Variants in IL27RA observed in about 807,000 individuals in gnomAD.
IL27RA encodes the protein interleukin-27 receptor subunit alpha.
In IL27RA, 61 loss-of-function variants were observed where a neutral mutation model predicts 80.8. The observed-to-expected ratio is 0.76, with a 90% CI of 0.61 to 0.93. The LOEUF is 0.93. IL27RA is among the 40% of genes least tolerant of loss of function. IL27RA has a pLI of 0.00. For synonymous variants in IL27RA, 316 were observed against 332.5 expected, an observed-to-expected ratio of 0.95 and a Z score of 0.54; for missense variants, 735 against 808.1, an observed-to-expected ratio of 0.91 and a Z score of 1.10.
intron 11 of IL27RA, among the ~76,000 whole-genome samples, chr19:14,051,164 C>T (rs899280168): frequency 3.3e-5 from 5 of 152,094 alleles, no homozygotes; most frequent in South Asian, 4.2e-4. Context: ...GCTCGAGGAT[C>T]GCTTGAGCCC....
intron 11 of IL27RA, among the ~76,000 whole-genome samples, chr19:14,051,301 T>G (rs771436904): frequency 1.3e-5 from 2 of 149,702 alleles, no homozygotes; most frequent in African/African-American, 5.0e-5. Context: ...TCTCAGCACT[T>G]TGGGAGGCCG....
chr19:14,037,933 C>T (rs1272422313), intron 2 of IL27RA, among the ~76,000 whole-genome samples: 3 of 150,784 alleles, frequency 2.0e-5, no homozygotes, highest in Non-Finnish European at 1.5e-5. Context: ...CTGGTTCAAG[C>T]GATTCTCCTG....
intron 4 of IL27RA, among the ~76,000 whole-genome samples, chr19:14,040,143 C>A (rs926075807): frequency 2.0e-5 from 3 of 151,854 alleles, no homozygotes; most frequent in South Asian, 4.2e-4. Flanking sequence ...GGGGATGGAT[C>A]ACTTGAGGTC....
chr19:14,042,667 G>A lies in IL27RA; in HGVS notation c.695-49G>A, dbSNP rs1215752798. 9 of 1,613,922 alleles carry A rather than the reference G, an allele frequency of 5.6e-6. No individual in the cohort carries two copies. The African/African-American group carries it at 1.1e-4, about 19-fold the overall frequency. ...ACGCCCCTCCCACCCCCAGAAGTCT[G>A]TCCAATCATGTCCCACTCATTTGTT... On this transcript the variant is annotated intron_variant, in intron 5 of 13. Transcript: ENST00000263379.
Position 14,046,428 on chromosome 19 carries a change from A to G in IL27RA, c.953-2A>G. The G allele has an allele frequency of 6.2e-7, 1 of 1,614,138 alleles. No homozygotes were observed. The highest frequency in any genetic ancestry group is 8.5e-7 in the Non-Finnish European group (1 of 1,180,014). On this transcript the variant is annotated splice_acceptor_variant, in intron 7 of 13. Transcript: ENST00000263379. LOFTEE classifies it high-confidence loss of function. Reference sequence around the variant, plus strand: ...CAGCTGAGACTTCTCTCCACCCTCCAGATTCAGCCTCTGCCCCCCGTAGCG... The same window carrying G: ...CAGCTGAGACTTCTCTCCACCCTCCGGATTCAGCCTCTGCCCCCCGTAGCG...
rs373689505 is a variant in IL27RA at position 14,052,077 on chromosome 19, C to T, written c.1717-19C>T. 3 of 1,609,666 alleles carry T rather than the reference C, an allele frequency of 1.9e-6. No homozygotes were observed. The highest frequency in any genetic ancestry group is 2.5e-6 in the Non-Finnish European group (3 of 1,178,336). On this transcript the variant is annotated intron_variant, in intron 13 of 13. Coordinates refer to ENST00000263379, the MANE Select transcript of IL27RA (RefSeq NM_004843.4). ...GGTCGGGGAGGCTGGGGCAGGATTACAGGCTCATCTCTTCCCAGCAAGTAC... is the reference window on the plus strand; with the variant it reads ...GGTCGGGGAGGCTGGGGCAGGATTATAGGCTCATCTCTTCCCAGCAAGTAC...
rs373140888 is a variant in IL27RA, at chr19:14,036,077, T to TAA, written c.219-3418_219-3417dup. Among the ~76,000 whole-genome samples, 23 of 132,402 alleles carry TAA rather than the reference T, an allele frequency of 1.7e-4. No homozygotes were observed. The South Asian group carries it at 2.1e-3, about 12-fold the overall frequency. The allele number at this position is 132,402 out of a possible 152,430, so 86.9% of individuals were successfully genotyped here. A position where few individuals can be genotyped will look rare whatever the true frequency, so the allele number is the denominator to read the frequency against. Reference sequence around the variant, plus strand: ...GCAACGTAGTGAGACCCGTCTCTATTAAAAAAAAAAAAAAGAAAGAAGAAG... The same window carrying TAA: ...GCAACGTAGTGAGACCCGTCTCTATTAAAAAAAAAAAAAAAAGAAAGAAGAAG... On this transcript the variant is annotated intron_variant, in intron 2 of 13. Coordinates refer to ENST00000263379, the MANE Select transcript of IL27RA (RefSeq NM_004843.4).
chr19:14,032,008 C>T, intron 1 of IL27RA, 36 bp downstream of exon 1: 2 of 1,541,284 alleles, frequency 1.3e-6, no homozygotes, highest in Non-Finnish European at 8.9e-7. Context: ...CCGGGCGCTG[C>T]CGCTGCGCTC....
At chr19:14,041,643 G>C (rs1006427408) in intron 4 of IL27RA, among the ~76,000 whole-genome samples, 4 of 152,174 alleles carry the variant, frequency 2.6e-5, no homozygotes, top group Non-Finnish European at 2.9e-5. Context: ...ACCACTTCCT[G>C]CTATACCTAG....
intron 8 of IL27RA, among the ~76,000 whole-genome samples, chr19:14,048,373 A>G (rs1288730890): frequency 6.6e-6 from 1 of 152,236 alleles, no homozygotes; most frequent in African/African-American, 2.4e-5. Context: ...CCACAAGGAT[A>G]TATGAACCAA....
chr19:14,050,797 C>T lies in IL27RA; in HGVS notation c.1442C>T (p.Pro481Leu). The change falls in exon 11 of 14, where the codon CCT (proline) becomes CTT (leucine). Residue 481 changes from proline (P) to leucine (L), a missense_variant. By Grantham distance (98) the Pro-to-Leu change is moderately conservative. Coordinates refer to ENST00000263379, the MANE Select transcript of IL27RA (RefSeq NM_004843.4). ...NTQSVTLPDL[P>L]WGPCELWVTA... Reference sequence around the variant, plus strand: ...CAGAGTGTCACCCTGCCTGACCTTCCTTGGGGTCCCTGTGAGCTGTGGGTG... The same window carrying T: ...CAGAGTGTCACCCTGCCTGACCTTCTTTGGGGTCCCTGTGAGCTGTGGGTG... 1.2e-6 allele frequency: 2 copies of T among 1,613,684 alleles called. No individual in the cohort carries two copies. The highest frequency in any genetic ancestry group is 1.7e-6 in the Non-Finnish European group (2 of 1,179,644).
intron 2 of IL27RA, among the ~76,000 whole-genome samples, chr19:14,038,889 G>GA (rs371517796): frequency 5.9e-5 from 6 of 101,070 alleles, no homozygotes; most frequent in Non-Finnish European, 1.3e-4. Flanking sequence ...TGTCTCAAAA[G>GA]AAAAAAAAAA....
Position 14,052,114 on chromosome 19 carries a change from C to A in IL27RA, c.1735C>A (p.Pro579Thr). 1 of 1,613,280 alleles carries A rather than the reference C, an allele frequency of 6.2e-7. No homozygotes were observed. The highest frequency in any genetic ancestry group is 8.5e-7 in the Non-Finnish European group (1 of 1,179,788). ...PHMEQVPEAQ[P>T]LGDLPILEVE... ...TTCCCAGCAAGTACCTGAGGCCCAG[C>A]CCCTTGGGGACTTGCCCATCCTGGA... Residue 579 changes from proline to threonine, a missense_variant, in exon 14 of 14, where the codon CCC (proline) becomes ACC (threonine). Pro to Thr is a conservative substitution (Grantham distance 38). Transcript: ENST00000263379.
Position 14,046,282 on chromosome 19 carries a change from C to T in IL27RA, c.897C>T (p.Ser299=), listed in dbSNP as rs771294505. Residue 299 remains serine (S), a synonymous_variant, in exon 7 of 14, where the codon TCC becomes TCT. Coordinates refer to ENST00000263379, the MANE Select transcript of IL27RA (RefSeq NM_004843.4). ...GTGGGGCGGAGTGGGCCAGGGTGTC[C>T]GCTGTCAACGCCACAAGCTGGGAGC... ...IPSGAEWARV[S]AVNATSWEPL... is the part of the protein sequence containing the mutation. 1.2e-5 allele frequency: 19 copies of T among 1,613,972 alleles called. No individual in the cohort carries two copies. Among genetic ancestry groups the T allele is most frequent in the Admixed American group, 8.3e-5 (5 of 59,960 alleles).
At position 14,049,083 on chromosome 19, in the gene IL27RA, G is replaced by A; in HGVS notation, c.1243+1G>A. Reference sequence around the variant, plus strand: ...GTCTGGGGGTTCAGGGAGGAATTAGGTAAGAGTGGGGCTGGAGGATGGGGG... The same window carrying A: ...GTCTGGGGGTTCAGGGAGGAATTAGATAAGAGTGGGGCTGGAGGATGGGGG... On this transcript the variant is annotated splice_donor_variant, in intron 9 of 13. Transcript: ENST00000263379. LOFTEE classifies it high-confidence loss of function. 2 of 1,613,428 alleles carry A rather than the reference G, an allele frequency of 1.2e-6. No individual in the cohort carries two copies. The highest frequency in any genetic ancestry group is 1.1e-5 in the South Asian group (1 of 90,994).
rs1386324906 is a variant in IL27RA at position 14,051,158 on chromosome 19, G to A, written c.1528+275G>A. 5.9e-5 allele frequency among the ~76,000 whole-genome samples: 9 copies of A among 152,128 alleles called. No homozygotes were observed. In the South Asian group the frequency reaches 6.2e-4, roughly 10 times the overall value. Reference sequence around the variant, plus strand: ...CCAGCTCCTGGAGAAGCTGAGGCTCGAGGATCGCTTGAGCCCAGGAGTTGG... The same window carrying A: ...CCAGCTCCTGGAGAAGCTGAGGCTCAAGGATCGCTTGAGCCCAGGAGTTGG... On this transcript the variant is annotated intron_variant, in intron 11 of 13. Transcript: ENST00000263379.
chr19:14,051,555 A>T (rs960530791), intron 11 of IL27RA, 52 bp from the exon 12 acceptor site: 43 of 1,086,758 alleles, frequency 4.0e-5, no homozygotes, highest in Admixed American at 1.4e-4. Context: ...AATAAAAATA[A>T]AAAATAAAAT....
intron 2 of IL27RA, among the ~76,000 whole-genome samples, chr19:14,034,372 A>C (rs1975866604): frequency 6.6e-6 from 1 of 151,990 alleles, no homozygotes; most frequent in Admixed American, 6.6e-5. Context: ...TAAAATACAC[A>C]CAACAGGCCC....
chr19:14,046,600 C>G lies in IL27RA; in HGVS notation c.1123C>G (p.Leu375Val), dbSNP rs780843071. The change falls in exon 8 of 14, where the codon CTC becomes GTC. Residue 375 changes from leucine to valine, a missense_variant. Leu to Val is a conservative substitution (Grantham distance 32). Transcript: ENST00000263379. The part of the protein sequence containing the change: ...LNWVRLPPGN[L>V]SALLPGNFTV... ...CTGGGTCCGGCTTCCCCCTGGGAAC[C>G]TCAGTGCTCTGTTACCAGGTGAGGC... 6.2e-7 allele frequency: 1 copy of G among 1,607,776 alleles called. No homozygotes were observed. Among genetic ancestry groups the G allele is most frequent in the South Asian group, 1.1e-5 (1 of 90,092 alleles).
Sources: allele counts gnomAD v4.1 joint callset (sites outside exome capture counted in the v4.1 genomes callset), GRCh38; gene constraint gnomAD v4.1.1; transcripts MANE v1.5; gene names NCBI Gene and HGNC (gene_info 2026-07-23, HGNC 2026-07-21).